The following SP100 variants were observed in gnomAD, a reference collection of about 807,000 sequenced individuals.
SP100 encodes the protein nuclear autoantigen Sp-100.
In SP100, 84 loss-of-function variants were observed where a neutral mutation model predicts 130.0. That is an observed-to-expected ratio of 0.65 (90% CI 0.54 to 0.77). The LOEUF (loss-of-function observed/expected upper bound fraction) is 0.77, where lower values mean the gene tolerates loss of function less well. Ranked by LOEUF, SP100 falls within the 30% of genes least tolerant of loss-of-function variation. The pLI is 0.00. For missense variants in SP100, 978 were observed against 1,052.2 expected (o/e 0.93, Z 0.97); for synonymous variants, 331 against 351.7 (o/e 0.94, Z 0.66).
intron 24 of SP100, chr2:230,514,932 A>G: frequency 8.6e-7 from 1 of 1,165,892 alleles, no homozygotes; most frequent in South Asian, 1.7e-5. Flanking sequence ...AGATTGCAGT[A>G]CATTGAGCTC....
intron 2 of SP100, among the ~76,000 whole-genome samples, chr2:230,435,302 G>T (rs141069969): frequency 6.6e-6 from 1 of 152,202 alleles, no homozygotes; most frequent in African/African-American, 2.4e-5. Flanking sequence ...TGCCTGTTCA[G>T]GTCCATTTTG....
At chr2:230,474,507 T>A in intron 17 of SP100, 60 bp downstream of exon 17, 2 of 805,518 alleles carry the variant, frequency 2.5e-6, no homozygotes, top group Non-Finnish European at 4.2e-6. Flanking sequence ...TTTTTAATGC[T>A]AAGGTTTATT....
At chr2:230,518,194 T>A (rs1208493959) in intron 24 of SP100, among the ~76,000 whole-genome samples, 1 of 152,126 alleles carries the variant, frequency 6.6e-6, no homozygotes, top group African/African-American at 2.4e-5. Flanking sequence ...CTTTTCTCTC[T>A]CCTTCTTACT....
intron 17 of SP100, among the ~76,000 whole-genome samples, chr2:230,485,918 T>C (rs1205759920): frequency 6.6e-6 from 1 of 152,200 alleles, no homozygotes; most frequent in Non-Finnish European, 1.5e-5. Flanking sequence ...CTTCTATTCA[T>C]TTTATGTGCA....
chr2:230,491,686 G>A (rs898124385), intron 17 of SP100, among the ~76,000 whole-genome samples: 4 of 152,154 alleles, frequency 2.6e-5, no homozygotes, highest in African/African-American at 9.7e-5. Flanking sequence ...ACCAGCAAAG[G>A]GAAAATCTGC....
At chr2:230,530,847 T>G (rs1186059705) in intron 24 of SP100, among the ~76,000 whole-genome samples, 1 of 151,966 alleles carries the variant, frequency 6.6e-6, no homozygotes, top group Non-Finnish European at 1.5e-5. Context: ...ATCAGAAAAA[T>G]GCAAATGAAA....
At chr2:230,451,575 T>G (rs1039811107) in intron 8 of SP100, among the ~76,000 whole-genome samples, 1 of 152,246 alleles carries the variant, frequency 6.6e-6, no homozygotes, top group Non-Finnish European at 1.5e-5. Context: ...TTGCAAATAT[T>G]TTTTCCCATT....
intron 17 of SP100, among the ~76,000 whole-genome samples, chr2:230,492,379 G>A (rs1304656300): frequency 6.6e-6 from 1 of 152,100 alleles, no homozygotes; most frequent in African/African-American, 2.4e-5. Context: ...TGCAATATTA[G>A]CTGCAACCTC....
chr2:230,526,817 G>C (rs1691452499), intron 24 of SP100, among the ~76,000 whole-genome samples: 1 of 152,054 alleles, frequency 6.6e-6, no homozygotes, highest in Admixed American at 6.6e-5. Flanking sequence ...GTGGAAGAAA[G>C]GATATCAGTG....
chr2:230,541,211 G>A (rs1575823928), intron 26 of SP100, 90 bp from the exon 27 acceptor site: 1 of 1,334,044 alleles, frequency 7.5e-7, no homozygotes, highest in Non-Finnish European at 1.1e-6. Flanking sequence ...GAGTCCACAG[G>A]TTTGGGAGTC....
At chr2:230,515,541 GAGAGTTGTCA>G in intron 24 of SP100, 1 of 1,601,804 alleles carries the variant, frequency 6.2e-7, no homozygotes. Context: ...CAGCAAAAAA[GAGAGTTGTCA>G]AGGCTGAAAA....
intron 17 of SP100, among the ~76,000 whole-genome samples, chr2:230,481,860 C>A (rs184697204): frequency 1.3e-5 from 2 of 152,222 alleles, no homozygotes; most frequent in Admixed American, 6.5e-5. Flanking sequence ...TTCGTGTTGA[C>A]TCTACATAAG....
At chr2:230,541,138 C>A in intron 26 of SP100, 142 bp downstream of exon 26, 1 of 1,240,890 alleles carries the variant, frequency 8.1e-7, no homozygotes, top group Non-Finnish European at 1.1e-6. Flanking sequence ...CCTAACGCTA[C>A]AATTCATATT....
chr2:230,539,876 G>A (rs544441175), intron 25 of SP100, among the ~76,000 whole-genome samples: 1 of 152,278 alleles, frequency 6.6e-6, no homozygotes, highest in East Asian at 1.9e-4. Flanking sequence ...TTGGACAGAG[G>A]TGATGGTGTG....
chr2:230,520,882 T>C (rs1234548306), intron 24 of SP100, among the ~76,000 whole-genome samples: 2 of 152,196 alleles, frequency 1.3e-5, no homozygotes, highest in Non-Finnish European at 2.9e-5. Flanking sequence ...GTTACAATCA[T>C]TGGATACAGA....
chr2:230,508,741 T>C (rs1420832201), intron 23 of SP100: 1 of 152,182 alleles, frequency 6.6e-6, no homozygotes, highest in Non-Finnish European at 1.5e-5. Context: ...CACTGGTTTT[T>C]CTGGATTCTA....
chr2:230,417,232 C>T (rs2062624482), intron 1 of SP100, among the ~76,000 whole-genome samples: 1 of 151,978 alleles, frequency 6.6e-6, no homozygotes, highest in Non-Finnish European at 1.5e-5. Flanking sequence ...AATTTATGTT[C>T]TTGATTTATA....
At chr2:230,514,561 C>G (rs917788643) in intron 24 of SP100, among the ~76,000 whole-genome samples, 2 of 152,146 alleles carry the variant, frequency 1.3e-5, no homozygotes, top group African/African-American at 4.8e-5. Flanking sequence ...TAATTTTTCT[C>G]TCTTCGATCT....
Position 230,473,373 on chromosome 2 carries a change from T to C in SP100, c.1479T>C (p.Cys493=). 6.2e-7 allele frequency: 1 copy of C among 1,613,936 alleles called. No homozygotes were observed. Among genetic ancestry groups the C allele is most frequent in the Non-Finnish European group, 8.5e-7 (1 of 1,179,874 alleles). The change falls in exon 16 of 29, where the codon TGT becomes TGC. Residue 493 remains cysteine (C), a synonymous_variant. Transcript: ENST00000340126. ...ATAAGAAGTGCTCCTGTGTCATGTG[T>C]TTTCCAAAAGGTGTGCCAAGAAGCC... The part of the protein sequence containing the change: ...PENKKCSCVM[C]FPKGVPRSQE...
Sources: gnomAD v4.1 joint callset for allele counts (sites outside exome capture counted in the v4.1 genomes callset) on GRCh38, gnomAD v4.1.1 for gene constraint, MANE v1.5 for transcripts, NCBI Gene and HGNC (gene_info 2026-07-23, HGNC 2026-07-21) for gene names.